The following ZNF675 variants were observed in gnomAD, a reference collection of about 807,000 sequenced individuals.
ZNF675 encodes zinc finger protein 675, also known as TRAF6 inhibitory zinc finger.
Under a neutral mutation model 56.1 loss-of-function variants are expected in ZNF675, and 36 were observed. The observed-to-expected ratio is 0.64, with a 90% CI of 0.49 to 0.85. The LOEUF is 0.85. Ranked by LOEUF, ZNF675 falls within the 40% of genes least tolerant of loss-of-function variation. The pLI, the probability that ZNF675 is intolerant of heterozygous loss-of-function variation, is 0.00. For missense variants in ZNF675, 663 were observed against 654.2 expected, an observed-to-expected ratio of 1.01 and a Z score of -0.15; for synonymous variants, 200 against 218.9, an observed-to-expected ratio of 0.91 and a Z score of 0.76.
intron 1 of ZNF675, among the ~76,000 whole-genome samples, chr19:23,674,722 A>T (rs1968273787): frequency 6.6e-6 from 1 of 151,532 alleles, no homozygotes; most frequent in South Asian, 2.1e-4. Flanking sequence ...TAATCCCACC[A>T]CTTTGAGAGG....
intron 3 of ZNF675, 23 bp from the exon 4 acceptor site, chr19:23,654,729 A>G (rs369734427): frequency 2.7e-6 from 4 of 1,491,680 alleles, no homozygotes; most frequent in Non-Finnish European, 3.6e-6. Context: ...AAAATAACAC[A>G]TTACTTTACA....
chr19:23,658,880 TATAG>T (rs552180862), intron 3 of ZNF675, among the ~76,000 whole-genome samples: 6 of 87,514 alleles, frequency 6.9e-5, no homozygotes, highest in African/African-American at 2.3e-4. Flanking sequence ...TATAGATATC[TATAG>T]ATATAGATCT....
rs766299057 is a variant in ZNF675 at position 23,654,019 on chromosome 19, ATTTT to A, written c.910_913del (p.Lys304PhefsTer224). 8.1e-6 allele frequency: 13 copies of A among 1,613,326 alleles called. No homozygotes were observed. Among genetic ancestry groups the A allele is most frequent in the Non-Finnish European group, 1.1e-5 (13 of 1,179,878 alleles). On this transcript the variant is annotated frameshift_variant, in exon 4 of 4. Coordinates refer to ENST00000359788, the MANE Select transcript of ZNF675 (RefSeq NM_138330.3). LOFTEE classifies it high-confidence loss of function. ...TATGTAGGGTTGCTCTCCAGTATGAATTTTTTTATGTGTAGTAAGATTTGAGAAC... is the reference window on the plus strand; with the variant it reads ...TATGTAGGGTTGCTCTCCAGTATGAATTTATGTGTAGTAAGATTTGAGAAC...
At chr19:23,671,609 A>C (rs1026142511) in intron 1 of ZNF675, among the ~76,000 whole-genome samples, 5 of 151,920 alleles carry the variant, frequency 3.3e-5, no homozygotes, top group Admixed American at 3.3e-4. Context: ...GCAGTGCAAA[A>C]GGAGGAATTA....
intron 1 of ZNF675, among the ~76,000 whole-genome samples, chr19:23,671,396 G>A (rs189685947): frequency 9.0e-4 from 137 of 152,286 alleles, no homozygotes; most frequent in African/African-American, 3.0e-3. Context: ...CTGAATGCCC[G>A]AAGAGCATCT....
chr19:23,673,382 C>G (rs1163931620), intron 1 of ZNF675, among the ~76,000 whole-genome samples: 1 of 152,150 alleles, frequency 6.6e-6, no homozygotes, highest in Non-Finnish European at 1.5e-5. Context: ...TCTGAAGATA[C>G]AAGAGTAATT....
intron 1 of ZNF675, chr19:23,686,409 C>CTCT: frequency 1.3e-5 from 2 of 152,192 alleles, no homozygotes; most frequent in African/African-American, 2.4e-5. Context: ...TCACTGCAAC[C>CTCT]GCCACCTCCC....
At chr19:23,656,800 A>C (rs138572295) in intron 3 of ZNF675, 10 of 151,898 alleles carry the variant, frequency 6.6e-5, no homozygotes, top group African/African-American at 2.4e-4. Flanking sequence ...ACTCATAGAA[A>C]GTGCAAGGGT....
intron 3 of ZNF675, among the ~76,000 whole-genome samples, chr19:23,661,683 C>CT (rs1235382186): frequency 2.6e-5 from 4 of 151,290 alleles, no homozygotes; most frequent in African/African-American, 4.9e-5. Context: ...GAGCAAGACT[C>CT]TGTCTCAAAA....
chr19:23,685,182 C>T (rs558082684), intron 1 of ZNF675, among the ~76,000 whole-genome samples: 98 of 152,204 alleles, frequency 6.4e-4, no homozygotes, highest in East Asian at 4.5e-3. Flanking sequence ...TCAGGCTGGT[C>T]GCGAACTCCT....
intron 1 of ZNF675, among the ~76,000 whole-genome samples, chr19:23,676,338 C>T (rs1357447815): frequency 6.6e-6 from 1 of 151,554 alleles, no homozygotes; most frequent in Non-Finnish European, 1.5e-5. Context: ...GACTTCTCCC[C>T]AAGTTATTAT....
chr19:23,668,118 G>A (rs1433017258), intron 1 of ZNF675, among the ~76,000 whole-genome samples: 1 of 151,034 alleles, frequency 6.6e-6, no homozygotes, highest in Admixed American at 6.6e-5. Flanking sequence ...GTCAACTGGT[G>A]CACTCACAAA....
At chr19:23,658,688 G>T (rs1479575308) in intron 3 of ZNF675, 1 of 151,292 alleles carries the variant, frequency 6.6e-6, no homozygotes, top group Non-Finnish European at 1.5e-5. Context: ...TCAAAAAAAA[G>T]ACAGAAATTT....
chr19:23,655,301 G>A (rs1166604406), intron 3 of ZNF675: 1 of 151,856 alleles, frequency 6.6e-6, no homozygotes, highest in Admixed American at 6.6e-5. Flanking sequence ...CCTGAGAGTA[G>A]ATAATTTATA....
intron 1 of ZNF675, among the ~76,000 whole-genome samples, chr19:23,669,175 C>T (rs1457334950): frequency 1.3e-5 from 2 of 152,212 alleles, no homozygotes; most frequent in Admixed American, 1.3e-4. Flanking sequence ...TAGCCAGAGC[C>T]ACTCTGATGT....
intron 3 of ZNF675, among the ~76,000 whole-genome samples, chr19:23,658,908 G>GATATAGATCTAGATCTATAGATATCT (rs1238598265): frequency 4.0e-5 from 1 of 25,214 alleles, no homozygotes; most frequent in Non-Finnish European, 7.8e-5. Flanking sequence ...GATATCTATA[G>GATATAGATCTAGATCTATAGATATCT]ATAGATATAG....
chr19:23,683,088 C>G (rs1020845897), intron 1 of ZNF675, among the ~76,000 whole-genome samples: 1 of 151,158 alleles, frequency 6.6e-6, no homozygotes, highest in Admixed American at 6.6e-5. Context: ...ACTCGGGTGG[C>G]TGAGGCAGAA....
chr19:23,664,229 A>C (rs1249483991), intron 1 of ZNF675, among the ~76,000 whole-genome samples: 2 of 152,070 alleles, frequency 1.3e-5, no homozygotes, highest in Non-Finnish European at 2.9e-5. Context: ...CCTTTCTCTG[A>C]AAATTCTTTT....
chr19:23,661,985 T>A, intron 3 of ZNF675, 129 bp downstream of exon 3: 1 of 700,148 alleles, frequency 1.4e-6, no homozygotes, highest in Non-Finnish European at 2.6e-6. Context: ...CATAAAATAC[T>A]CAGGCTTTCC....
Sources: gnomAD v4.1 joint callset for allele counts (sites outside exome capture counted in the v4.1 genomes callset) on GRCh38, gnomAD v4.1.1 for gene constraint, MANE v1.5 for transcripts, NCBI Gene and HGNC (gene_info 2026-07-23, HGNC 2026-07-21) for gene names.